Variants in CFAP299 observed in about 807,000 individuals in gnomAD.
CFAP299 encodes cilia- and flagella-associated protein 299.
A neutral mutation model predicts 27.0 loss-of-function variants in CFAP299; 21 were observed. The ratio of observed to expected loss-of-function variants is 0.78; its 90% CI spans 0.55 to 1.12. The LOEUF (loss-of-function observed/expected upper bound fraction) is 1.12, where lower values mean the gene tolerates loss of function less well. Among genes scored for constraint, CFAP299 ranks in the 50% most tolerant of loss-of-function variants. CFAP299 has a pLI of 0.00. For missense variants in CFAP299, 310 were observed against 276.6 expected, an observed-to-expected ratio of 1.12 and a Z score of -0.86; for synonymous variants, 104 against 98.1, an observed-to-expected ratio of 1.06 and a Z score of -0.36.
chr4:80,559,241 G>A (rs1734926272), intron 2 of CFAP299, among the ~76,000 whole-genome samples: 1 of 145,954 alleles, frequency 6.9e-6, no homozygotes, highest in African/African-American at 2.8e-5. Context: ...GTTCATGGTA[G>A]TTGGACTTCT....
intron 3 of CFAP299, among the ~76,000 whole-genome samples, chr4:80,855,176 A>G (rs1017954685): frequency 6.6e-6 from 1 of 152,088 alleles, no homozygotes; most frequent in Non-Finnish European, 1.5e-5. Context: ...AATTTAGAAA[A>G]TATAAACAAA....
intron 3 of CFAP299, among the ~76,000 whole-genome samples, chr4:80,846,876 G>A (rs200025257): frequency 5.9e-5 from 9 of 152,096 alleles, no homozygotes; most frequent in East Asian, 3.9e-4. Flanking sequence ...CTATCTGCCC[G>A]CTACTGAGAA....
At chr4:80,519,683 C>T (rs529274226) in intron 2 of CFAP299, among the ~76,000 whole-genome samples, 2 of 152,232 alleles carry the variant, frequency 1.3e-5, no homozygotes, top group South Asian at 2.1e-4. Context: ...AATAAGTCAG[C>T]CACCTAAGTG....
chr4:80,362,981 T>A, intron 2 of CFAP299, 97 bp downstream of exon 2: 3 of 1,349,538 alleles, frequency 2.2e-6, no homozygotes, highest in Non-Finnish European at 3.0e-6. Flanking sequence ...AAGCACTGGG[T>A]GGAGCAGGTA....
chr4:80,377,514 G>A (rs1177401841), intron 2 of CFAP299, among the ~76,000 whole-genome samples: 1 of 151,224 alleles, frequency 6.6e-6, no homozygotes, highest in Non-Finnish European at 1.5e-5. Flanking sequence ...TTGCCTTTAA[G>A]TCTTAAAATC....
chr4:80,387,238 G>T, intron 2 of CFAP299: 2 of 1,545,062 alleles, frequency 1.3e-6, no homozygotes, highest in Non-Finnish European at 1.8e-6. Context: ...AGTCCTTGTT[G>T]CAGAAGTGGC....
chr4:80,747,531 T>A (rs1188077756), intron 3 of CFAP299, among the ~76,000 whole-genome samples: 1 of 152,094 alleles, frequency 6.6e-6, no homozygotes, highest in Admixed American at 6.6e-5. Flanking sequence ...CCTGAAGACC[T>A]TGTGGTCAGC....
intron 3 of CFAP299, among the ~76,000 whole-genome samples, chr4:80,834,462 C>T (rs151280374): frequency 9.4e-4 from 143 of 152,298 alleles, no homozygotes; most frequent in African/African-American, 3.3e-3. Context: ...ACATCTATTA[C>T]TTAATGTGTG....
intron 2 of CFAP299, among the ~76,000 whole-genome samples, chr4:80,532,773 A>C (rs1022611832): frequency 1.3e-5 from 2 of 152,210 alleles, no homozygotes; most frequent in Non-Finnish European, 2.9e-5. Flanking sequence ...TAAAGCAGTG[A>C]AATGTTTTTG....
chr4:80,450,787 A>G (rs888166977), intron 2 of CFAP299, among the ~76,000 whole-genome samples: 3 of 152,076 alleles, frequency 2.0e-5, no homozygotes, highest in Non-Finnish European at 4.4e-5. Context: ...TATTATTTTC[A>G]ACTTAATGAA....
At chr4:80,909,317 C>G (rs1305365866) in intron 4 of CFAP299, among the ~76,000 whole-genome samples, 1 of 151,784 alleles carries the variant, frequency 6.6e-6, no homozygotes, top group Non-Finnish European at 1.5e-5. Flanking sequence ...ATTCAGAGAT[C>G]TTTTACAAGA....
intron 2 of CFAP299, among the ~76,000 whole-genome samples, chr4:80,567,281 T>C (rs1440145171): frequency 7.9e-5 from 12 of 152,118 alleles, no homozygotes; most frequent in African/African-American, 2.9e-4. Flanking sequence ...GAAAGTGATG[T>C]TATTTTCCTG....
intron 3 of CFAP299, among the ~76,000 whole-genome samples, chr4:80,606,474 G>A (rs935856666): frequency 7.2e-5 from 11 of 152,166 alleles, no homozygotes; most frequent in African/African-American, 2.7e-4. Context: ...AGCAGAGGTT[G>A]CAGTGTGCCA....
At chr4:80,829,310 T>C (rs968051408) in intron 3 of CFAP299, among the ~76,000 whole-genome samples, 4 of 152,012 alleles carry the variant, frequency 2.6e-5, no homozygotes, top group Non-Finnish European at 5.9e-5. Context: ...GAATGGATAA[T>C]GAACACATGA....
upstream of CFAP299, among the ~76,000 whole-genome samples, chr4:80,333,756 G>A (rs573061517): frequency 3.9e-5 from 6 of 152,116 alleles, no homozygotes; most frequent in East Asian, 1.9e-4. Context: ...TTCTGGGATC[G>A]GTGCTAAATT....
intron 3 of CFAP299, among the ~76,000 whole-genome samples, chr4:80,697,071 C>T (rs116427373): frequency 0.018 from 2,754 of 152,036 alleles, 45 homozygotes; most frequent in Non-Finnish European, 0.028. Flanking sequence ...CTGCTGGGAG[C>T]AGTGGCTCAT....
At chr4:80,824,642 G>T (rs1339086511) in intron 3 of CFAP299, among the ~76,000 whole-genome samples, 1 of 152,106 alleles carries the variant, frequency 6.6e-6, no homozygotes, top group Non-Finnish European at 1.5e-5. Context: ...GAAAGTCACT[G>T]CACATGGTCA....
chr4:80,949,284 A>T (rs1737641086), intron 5 of CFAP299, among the ~76,000 whole-genome samples: 1 of 152,170 alleles, frequency 6.6e-6, no homozygotes. Flanking sequence ...TAGGGAAATA[A>T]GTCAAAACAT....
chr4:80,423,235 T>C (rs1727372306), intron 2 of CFAP299, among the ~76,000 whole-genome samples: 1 of 152,202 alleles, frequency 6.6e-6, no homozygotes, highest in South Asian at 2.1e-4. Context: ...CTGCCATCTA[T>C]ATGTAAATAA....
Sources: gnomAD v4.1 joint callset for allele counts (sites outside exome capture counted in the v4.1 genomes callset) on GRCh38, gnomAD v4.1.1 for gene constraint, MANE v1.5 for transcripts, NCBI Gene and HGNC (gene_info 2026-07-23, HGNC 2026-07-21) for gene names.